The following SYT16 variants were observed in gnomAD, a reference collection of about 807,000 sequenced individuals.
SYT16 encodes the protein synaptotagmin 16.
Under a neutral mutation model 61.4 loss-of-function variants are expected in SYT16, and 42 were observed. That is an observed-to-expected ratio of 0.68 (90% CI 0.53 to 0.89). The LOEUF is 0.89. SYT16 is among the 40% of genes least tolerant of loss of function. SYT16 has a pLI of 0.00. For missense variants in SYT16, 804 were observed against 807.3 expected (o/e 1.00, Z 0.05); for synonymous variants, 314 against 302.3 (o/e 1.04, Z -0.40).
chr14:61,987,655 C>T (rs957079880), intron 2 of SYT16, among the ~76,000 whole-genome samples: 1 of 151,684 alleles, frequency 6.6e-6, no homozygotes, highest in Admixed American at 6.6e-5. Flanking sequence ...CCGATGATAA[C>T]TGTGCAAATT....
intron 1 of SYT16, among the ~76,000 whole-genome samples, chr14:61,965,532 C>T (rs1269081799): frequency 6.6e-6 from 1 of 152,134 alleles, no homozygotes; most frequent in Non-Finnish European, 1.5e-5. Context: ...TCCCTCACCC[C>T]TGCCCCAACC....
chr14:61,845,577 T>C (rs973037134), intron 1 of SYT16, among the ~76,000 whole-genome samples: 2 of 152,218 alleles, frequency 1.3e-5, no homozygotes, highest in Admixed American at 1.3e-4. Context: ...TATTTGGATC[T>C]TCTCTCTTTT....
intron 1 of SYT16, chr14:61,865,290 A>T: frequency 1.3e-6 from 1 of 766,896 alleles, no homozygotes; most frequent in Non-Finnish European, 2.3e-6. Flanking sequence ...CATGCCCTAC[A>T]CATCCCTCTG....
In SYT16 at chr14:61,996,267, C is replaced by T. The variant is rs2052764654; in HGVS notation, c.248C>T (p.Ser83Phe). The change falls in exon 3 of 8, where the codon TCC (serine) becomes TTC (phenylalanine). Residue 83 changes from serine (S) to phenylalanine (F), a missense_variant. Physicochemically the swap from Ser to Phe is radical, Grantham distance 155 (BLOSUM62 -2). Transcript: ENST00000683842. ...GATTGGAGTCAAGAGGATGCAAATT[C>T]CTTGTTTCTTGAAGTGGATCATTTC... ...DNDWSQEDAN[S>F]LFLEVDHFSC... is the part of the protein sequence containing the mutation. 2 of 1,613,570 alleles carry T rather than the reference C, an allele frequency of 1.2e-6. No individual in the cohort carries two copies.
intron 1 of SYT16, among the ~76,000 whole-genome samples, chr14:61,917,757 A>G (rs1169110104): frequency 6.6e-6 from 1 of 152,142 alleles, no homozygotes; most frequent in African/African-American, 2.4e-5. Flanking sequence ...ACTATAAACT[A>G]TAGGTTAAGT....
intron 1 of SYT16, among the ~76,000 whole-genome samples, chr14:61,882,902 A>G (rs1452124762): frequency 6.6e-6 from 1 of 152,244 alleles, no homozygotes; most frequent in Non-Finnish European, 1.5e-5. Context: ...CAGTCATGAA[A>G]TCTTAAAGTT....
chr14:61,999,355 GT>G (rs751612541), intron 3 of SYT16, among the ~76,000 whole-genome samples: 5 of 151,636 alleles, frequency 3.3e-5, no homozygotes, highest in Admixed American at 6.6e-5. Context: ...TTGGCACTGA[GT>G]TTTTCAAATT....
At chr14:62,084,456 T>C in intron 7 of SYT16, 71 bp downstream of exon 7, 1 of 1,479,722 alleles carries the variant, frequency 6.8e-7, no homozygotes, top group South Asian at 1.3e-5. Flanking sequence ...TGCTTTCATC[T>C]TAGTTCTTTA....
At chr14:61,949,433 A>AT (rs1295123729) in intron 1 of SYT16, among the ~76,000 whole-genome samples, 11 of 152,156 alleles carry the variant, frequency 7.2e-5, no homozygotes, top group Admixed American at 2.6e-4. Flanking sequence ...AATCTCATAT[A>AT]TTTTTTTCTT....
At chr14:61,980,158 G>T (rs766177042) in intron 2 of SYT16, among the ~76,000 whole-genome samples, 1 of 152,202 alleles carries the variant, frequency 6.6e-6, no homozygotes, top group Admixed American at 6.5e-5. Context: ...GTGGTCCCTA[G>T]TGTGGAAGCA....
chr14:62,011,926 C>CACACATAT lies in SYT16; in HGVS notation c.523+15385_523+15386insCACATATA, dbSNP rs1555370087. Among the ~76,000 whole-genome samples the CACACATAT allele has an allele frequency of 9.8e-4, 130 of 132,820 alleles. 1 individual carries two copies. Among genetic ancestry groups the CACACATAT allele is most frequent in the East Asian group, 3.6e-3 (17 of 4,776 alleles). The allele number at this position is 132,820 out of a possible 152,430, so 87.1% of individuals were successfully genotyped here. ...ACACATATATATACACACACACACA[C>CACACATAT]ATATATATATATATATTTGATGCTG... On this transcript the variant is annotated intron_variant, in intron 3 of 7. Coordinates refer to ENST00000683842, the MANE Select transcript of SYT16 (RefSeq NM_001367656.1).
intron 1 of SYT16, among the ~76,000 whole-genome samples, chr14:61,824,617 G>T (rs1383087581): frequency 1.3e-5 from 2 of 152,184 alleles, no homozygotes; most frequent in Non-Finnish European, 2.9e-5. Flanking sequence ...CTCCCAAAGT[G>T]CTGGGATTAC....
At chr14:62,096,000 G>T (rs1566845376) in intron 7 of SYT16, among the ~76,000 whole-genome samples, 1 of 151,842 alleles carries the variant, frequency 6.6e-6, no homozygotes, top group Non-Finnish European at 1.5e-5. Flanking sequence ...GAAATTAGTG[G>T]GGAGATAATG....
chr14:62,105,757 G>C lies in SYT16; in HGVS notation c.*5050G>C, dbSNP rs2057501689. ...AACCACTTCAAGTTCAGTGTAACCA[G>C]GTGCCATGAGTCAGTCATGTGCTAC... On this transcript the variant is annotated 3_prime_UTR_variant, in exon 8 of 8. Coordinates refer to ENST00000683842, the MANE Select transcript of SYT16 (RefSeq NM_001367656.1). 6.6e-6 allele frequency: 1 copy of C among 152,164 alleles called. No individual in the cohort carries two copies. The highest frequency in any genetic ancestry group is 1.5e-5 in the Non-Finnish European group (1 of 68,028). 9.4% of individuals were successfully genotyped at this position (152,164 alleles called of 1,614,324 possible).
Position 61,826,476 on chromosome 14 carries a change from C to T in SYT16, c.-325+13666C>T, listed in dbSNP as rs184630179. 1.8e-3 allele frequency among the ~76,000 whole-genome samples: 273 copies of T among 152,110 alleles called. 6 individuals are homozygous for T. The highest frequency in any genetic ancestry group is 6.2e-3 in the African/African-American group (258 of 41,370). On this transcript the variant is annotated intron_variant, in intron 1 of 7. Transcript: ENST00000683842. ...TCTTTACAGATGAAGATTCCAATTT[C>T]CTGTCTCTGTCTCTCTCCCTGAAAG...
At chr14:61,968,758 G>C (rs942477772) in intron 1 of SYT16, among the ~76,000 whole-genome samples, 12 of 152,218 alleles carry the variant, frequency 7.9e-5, no homozygotes, top group Non-Finnish European at 1.5e-4. Flanking sequence ...CAGATAGTAA[G>C]TGGTATGTCA....
At chr14:61,910,770 C>A (rs1180738401) in intron 1 of SYT16, among the ~76,000 whole-genome samples, 1 of 152,160 alleles carries the variant, frequency 6.6e-6, no homozygotes, top group East Asian at 1.9e-4. Context: ...CGCAAGTGAT[C>A]CACCCACCTC....
intron 1 of SYT16, among the ~76,000 whole-genome samples, chr14:61,967,923 A>G (rs1327877201): frequency 6.6e-6 from 1 of 152,166 alleles, no homozygotes; most frequent in Non-Finnish European, 1.5e-5. Flanking sequence ...CAGGGAGGTC[A>G]GTGGGAATCT....
chr14:61,972,724 A>G (rs2051614298), intron 2 of SYT16, among the ~76,000 whole-genome samples: 13 of 152,214 alleles, frequency 8.5e-5, no homozygotes, highest in Admixed American at 8.5e-4. Flanking sequence ...ACATATTTTG[A>G]CAAACGTAAA....
Sources: allele counts gnomAD v4.1 joint callset (sites outside exome capture counted in the v4.1 genomes callset), GRCh38; gene constraint gnomAD v4.1.1; transcripts MANE v1.5; gene names NCBI Gene and HGNC (gene_info 2026-07-23, HGNC 2026-07-21).